CCNY: variants seen among roughly 807,000 people sequenced by gnomAD.
CCNY encodes cyclin-Y.
A neutral mutation model predicts 42.8 loss-of-function variants in CCNY; 19 were observed. The ratio of observed to expected loss-of-function variants is 0.44; its 90% CI spans 0.31 to 0.65. CCNY has a LOEUF of 0.65. Among genes scored for constraint, CCNY ranks in the 30% least tolerant of loss-of-function variants. The probability of loss-of-function intolerance (pLI) is 0.07; values close to 1 mark genes in which losing one functional copy is unlikely to be tolerated. For synonymous variants in CCNY, 165 were observed against 162.7 expected (o/e 1.01, Z -0.11); for missense variants, 370 against 437.3 (o/e 0.85, Z 1.37).
chr10:35,379,525 C>T (rs893736964), intron 1 of CCNY, among the ~76,000 whole-genome samples: 3 of 152,154 alleles, frequency 2.0e-5, no homozygotes, highest in Non-Finnish European at 2.9e-5. Context: ...TTAGAACCAG[C>T]GAGGGAAGTG....
At chr10:35,482,060 G>A (rs904123970) in intron 1 of CCNY, among the ~76,000 whole-genome samples, 1 of 152,158 alleles carries the variant, frequency 6.6e-6, no homozygotes, top group Non-Finnish European at 1.5e-5. Context: ...TCTTTAATCA[G>A]GTACTCCGGG....
At chr10:35,439,458 T>C (rs1322823187) in intron 1 of CCNY, among the ~76,000 whole-genome samples, 1 of 152,194 alleles carries the variant, frequency 6.6e-6, no homozygotes, top group Non-Finnish European at 1.5e-5. Context: ...AATTTCCATT[T>C]GGTACTTGTT....
intron 3 of CCNY, among the ~76,000 whole-genome samples, chr10:35,514,506 GGT>G (rs1840389763): frequency 6.6e-6 from 1 of 152,090 alleles, no homozygotes; most frequent in Non-Finnish European, 1.5e-5. Context: ...ACAGAGGGGT[GGT>G]GCCCTCCCTG....
At chr10:35,252,678 G>A (rs2095712810) in intron 3 of CCNY, among the ~76,000 whole-genome samples, 1 of 151,706 alleles carries the variant, frequency 6.6e-6, no homozygotes, top group Non-Finnish European at 1.5e-5. Flanking sequence ...AATTTGTACT[G>A]GATGGAGATC....
chr10:35,478,975 C>T (rs1275947576), intron 1 of CCNY, among the ~76,000 whole-genome samples: 2 of 152,204 alleles, frequency 1.3e-5, no homozygotes, highest in Non-Finnish European at 2.9e-5. Context: ...CAAAAGAAGA[C>T]ATTTATGCAG....
At chr10:35,404,428 T>C (rs1295284710) in intron 1 of CCNY, among the ~76,000 whole-genome samples, 1 of 152,004 alleles carries the variant, frequency 6.6e-6, no homozygotes, top group Non-Finnish European at 1.5e-5. Flanking sequence ...AGAGGAGTGG[T>C]GAAAGGATTT....
At chr10:35,531,300 G>A (rs1472177518) in intron 7 of CCNY, among the ~76,000 whole-genome samples, 1 of 152,184 alleles carries the variant, frequency 6.6e-6, no homozygotes, top group Admixed American at 6.5e-5. Context: ...CTTTACAGGC[G>A]ACCGAAGGAC....
At chr10:35,450,407 G>A (rs1838891591) in intron 1 of CCNY, among the ~76,000 whole-genome samples, 1 of 152,200 alleles carries the variant, frequency 6.6e-6, no homozygotes, top group Non-Finnish European at 1.5e-5. Flanking sequence ...TGCTGGGGAT[G>A]TGTGCTCCCT....
chr10:35,390,600 GTGCCTTGGAACTTTC>G (rs1837393858), intron 1 of CCNY, among the ~76,000 whole-genome samples: 1 of 152,116 alleles, frequency 6.6e-6, no homozygotes, highest in African/African-American at 2.4e-5. Flanking sequence ...CCTTACTTCA[GTGCCTTGGAACTTTC>G]TGGGCCTTAG....
At chr10:35,553,778 C>A (rs1482094606) in intron 8 of CCNY, among the ~76,000 whole-genome samples, 1 of 152,108 alleles carries the variant, frequency 6.6e-6, no homozygotes, top group African/African-American at 2.4e-5. Flanking sequence ...GAGCTGTCCA[C>A]TCCCCTCACT....
intron 1 of CCNY, among the ~76,000 whole-genome samples, chr10:35,478,214 C>T (rs1320948888): frequency 6.8e-6 from 1 of 147,868 alleles, no homozygotes; most frequent in Admixed American, 6.8e-5. Flanking sequence ...CCATACTGCC[C>T]AAGGTAATTT....
chr10:35,556,257 A>G (rs1841360504), intron 8 of CCNY, among the ~76,000 whole-genome samples: 1 of 152,156 alleles, frequency 6.6e-6, no homozygotes. Context: ...TCCTGAAGAA[A>G]CTGGAGTGCC....
intron 3 of CCNY, among the ~76,000 whole-genome samples, chr10:35,274,547 C>A (rs1375918392): frequency 1.3e-5 from 2 of 152,190 alleles, no homozygotes; most frequent in Non-Finnish European, 2.9e-5. Context: ...TATGTTTTAT[C>A]AAGGCCTCCA....
upstream of CCNY, among the ~76,000 whole-genome samples, chr10:35,334,803 T>C (rs1835991091): frequency 6.6e-6 from 1 of 152,088 alleles, no homozygotes; most frequent in Non-Finnish European, 1.5e-5. Flanking sequence ...TGGCTAGATG[T>C]AGAGAATTAA....
intron 1 of CCNY, among the ~76,000 whole-genome samples, chr10:35,425,148 G>C (rs530005056): frequency 2.6e-5 from 4 of 152,168 alleles, no homozygotes; most frequent in Non-Finnish European, 5.9e-5. Context: ...CTGCCAGGCC[G>C]ATGTTGGAGC....
At chr10:35,251,838 T>A (rs553169857) in intron 3 of CCNY, among the ~76,000 whole-genome samples, 94 of 152,246 alleles carry the variant, frequency 6.2e-4, no homozygotes, top group African/African-American at 2.2e-3. Flanking sequence ...ATCTGCCTGT[T>A]TCGGCGGCCC....
At chr10:35,481,174 A>G (rs1839660330) in intron 1 of CCNY, among the ~76,000 whole-genome samples, 1 of 152,186 alleles carries the variant, frequency 6.6e-6, no homozygotes, top group Admixed American at 6.5e-5. Flanking sequence ...AATATTCTTC[A>G]TGTGATTTTT....
chr10:35,430,336 CAAAAAAAAAA>C (rs397954370), intron 1 of CCNY, among the ~76,000 whole-genome samples: 703 of 55,608 alleles, frequency 0.013, 14 homozygotes, highest in African/African-American at 0.04. Context: ...GACTCCGTCT[CAAAAAAAAAA>C]AAAAAAAAAA....
intron 1 of CCNY, among the ~76,000 whole-genome samples, chr10:35,430,780 A>G (rs952905110): frequency 1.3e-5 from 2 of 152,160 alleles, no homozygotes; most frequent in African/African-American, 4.8e-5. Context: ...TGTGGTAGGG[A>G]TATTTCAAAA....
Sources: allele counts gnomAD v4.1 joint callset (sites outside exome capture counted in the v4.1 genomes callset), GRCh38; gene constraint gnomAD v4.1.1; transcripts MANE v1.5; gene names NCBI Gene and HGNC (gene_info 2026-07-23, HGNC 2026-07-21).